KANK4: variants seen among roughly 807,000 people sequenced by gnomAD.
The protein encoded by KANK4 is KN motif and ankyrin repeat domain-containing protein 4.
A neutral mutation model predicts 80.8 loss-of-function variants in KANK4; 50 were observed. That is an observed-to-expected ratio of 0.62 (90% CI 0.49 to 0.78). The LOEUF is 0.78. Among genes scored for constraint, KANK4 ranks in the 30% least tolerant of loss-of-function variants. The pLI is 0.00. For missense variants in KANK4, 1,196 were observed against 1,240.1 expected (o/e 0.96, Z 0.53); for synonymous variants, 465 against 506.9 (o/e 0.92, Z 1.11).
At chr1:62,287,266 C>T (rs1672590379) in intron 1 of KANK4, among the ~76,000 whole-genome samples, 1 of 152,170 alleles carries the variant, frequency 6.6e-6, no homozygotes, top group Admixed American at 6.5e-5. Flanking sequence ...GCCAGGAAAG[C>T]GTCTGGGTTC....
In KANK4 at chr1:62,274,460, C is replaced by T. The variant is rs1287029099; in HGVS notation, c.644G>A (p.Ser215Asn). 1 of 1,614,080 alleles carries T rather than the reference C, an allele frequency of 6.2e-7. No homozygotes were observed. Among genetic ancestry groups the T allele is most frequent in the Admixed American group, 1.7e-5 (1 of 60,010 alleles). The change falls in exon 3 of 10, where the codon AGC becomes AAC. Residue 215 changes from serine (S) to asparagine (N), a missense_variant. Ser to Asn is a conservative substitution (Grantham distance 46, BLOSUM62 1). Transcript: ENST00000371153. Reference protein sequence around the residue: ...EPAEGLAGFHSSSPRASTRIP... With the variant: ...EPAEGLAGFHNSSPRASTRIP... ...CCGAGTTGATGCTCGTGGGCTGGAGCTGTGGAAACCTGCCAATCCTTCTGC... is the reference window on the plus strand; with the variant it reads ...CCGAGTTGATGCTCGTGGGCTGGAGTTGTGGAAACCTGCCAATCCTTCTGC...
chr1:62,279,198 G>GCGCGCGCGCGCGCGCGCGCACA (rs1282615199), intron 2 of KANK4, among the ~76,000 whole-genome samples: 1 of 146,180 alleles, frequency 6.8e-6, no homozygotes, highest in African/African-American at 2.5e-5. Context: ...GCTAGCGCGC[G>GCGCGCGCGCGCGCGCGCGCACA]CACACACACA....
intron 1 of KANK4, among the ~76,000 whole-genome samples, chr1:62,317,842 T>C (rs1447427561): frequency 1.3e-5 from 2 of 152,302 alleles, no homozygotes; most frequent in Non-Finnish European, 2.9e-5. Flanking sequence ...GCCAGTTTTG[T>C]TCACTTCTGT....
chr1:62,248,687 G>T (rs2149119803), intron 8 of KANK4, among the ~76,000 whole-genome samples: 1 of 151,748 alleles, frequency 6.6e-6, no homozygotes, highest in African/African-American at 2.4e-5. Flanking sequence ...TGGGATTACA[G>T]GCAGCTGCCA....
At chr1:62,279,401 T>C (rs1672403531) in intron 2 of KANK4, among the ~76,000 whole-genome samples, 1 of 152,216 alleles carries the variant, frequency 6.6e-6, no homozygotes, top group African/African-American at 2.4e-5. Flanking sequence ...TTCTACCTGG[T>C]GACAGGTATG....
At chr1:62,294,650 G>A (rs1388420020) in intron 1 of KANK4, among the ~76,000 whole-genome samples, 1 of 152,186 alleles carries the variant, frequency 6.6e-6, no homozygotes, top group Non-Finnish European at 1.5e-5. Context: ...GAACCTGGGT[G>A]GAGAAAGCGA....
intron 1 of KANK4, among the ~76,000 whole-genome samples, chr1:62,287,307 G>A (rs929510994): frequency 2.0e-5 from 3 of 152,180 alleles, no homozygotes; most frequent in African/African-American, 7.2e-5. Flanking sequence ...AGGATTAGAG[G>A]GACCTTGTTC....
At position 62,236,631 on chromosome 1, in the gene KANK4, G is replaced by A. The variant is rs1005924636; in HGVS notation, c.*1646C>T. 6.2e-5 allele frequency among the ~76,000 whole-genome samples: 8 copies of A among 129,834 alleles called. No homozygotes were observed. Among genetic ancestry groups the A allele is most frequent in the East Asian group, 4.4e-4 (2 of 4,560 alleles). The allele number at this position is 129,834 out of a possible 152,430, so 85.2% of individuals were successfully genotyped here. A position where few individuals can be genotyped will look rare whatever the true frequency, so the allele number is the denominator to read the frequency against. ...TTTTTTTTGAGACAGAGTTTTGCTC[G>A]TTACCCAGGCTGGAGTGCAATGGCA... is the stretch of plus-strand genomic sequence containing the variant. On this transcript the variant is annotated 3_prime_UTR_variant, in exon 10 of 10. Coordinates refer to ENST00000371153, the MANE Select transcript of KANK4 (RefSeq NM_181712.5).
At chr1:62,275,752 C>A (rs558150326) in intron 2 of KANK4, among the ~76,000 whole-genome samples, 1 of 150,488 alleles carries the variant, frequency 6.6e-6, no homozygotes, top group Non-Finnish European at 1.5e-5. Context: ...TTAACAAACA[C>A]GAAATTCACT....
intron 4 of KANK4, among the ~76,000 whole-genome samples, chr1:62,270,981 T>G (rs1672148362): frequency 6.6e-6 from 1 of 152,218 alleles, no homozygotes; most frequent in South Asian, 2.1e-4. Context: ...TAGAAAATAT[T>G]CTAAATCAAA....
intron 7 of KANK4, among the ~76,000 whole-genome samples, chr1:62,254,504 A>T (rs1174117250): frequency 6.6e-6 from 1 of 151,574 alleles, no homozygotes; most frequent in African/African-American, 2.4e-5. Flanking sequence ...GGCCTCCGAA[A>T]GTGCTGGGAT....
intron 2 of KANK4, among the ~76,000 whole-genome samples, chr1:62,280,680 G>A (rs1672433498): frequency 6.6e-6 from 1 of 152,242 alleles, no homozygotes; most frequent in Admixed American, 6.5e-5. Context: ...CTGGGGACAG[G>A]AAGAGGGGAA....
At chr1:62,240,554 A>G (rs528905832) in intron 9 of KANK4, among the ~76,000 whole-genome samples, 1 of 152,320 alleles carries the variant, frequency 6.6e-6, no homozygotes, top group African/African-American at 2.4e-5. Flanking sequence ...CTGTAACCCC[A>G]GCTACTTGGG....
chr1:62,275,153 G>C, intron 2 of KANK4, 66 bp from the exon 3 acceptor site: 5 of 1,215,188 alleles, frequency 4.1e-6, no homozygotes, highest in Non-Finnish European at 5.8e-6. Context: ...AGGGCGATGA[G>C]GCCTAATATC....
intron 1 of KANK4, among the ~76,000 whole-genome samples, chr1:62,318,455 C>CA (rs1194476590): frequency 6.6e-6 from 1 of 152,246 alleles, no homozygotes; most frequent in Non-Finnish European, 1.5e-5. Context: ...AAGGAGCCCA[C>CA]AGGAGGCATG....
At chr1:62,304,306 A>G (rs970316933) in intron 1 of KANK4, among the ~76,000 whole-genome samples, 27 of 152,194 alleles carry the variant, frequency 1.8e-4, no homozygotes, top group Admixed American at 6.5e-4. Context: ...TTTGTTGGAC[A>G]TGGGAATGGA....
intron 1 of KANK4, among the ~76,000 whole-genome samples, chr1:62,316,533 A>G (rs1571062363): frequency 6.6e-6 from 1 of 152,360 alleles, no homozygotes; most frequent in Middle Eastern, 3.4e-3. Context: ...TTAGGCAGTC[A>G]TCGCACCTCA....
chr1:62,250,489 A>C (rs4322258), intron 8 of KANK4, among the ~76,000 whole-genome samples: 34,668 of 151,942 alleles, frequency 0.23, 4,834 homozygotes, highest in Non-Finnish European at 0.3. Flanking sequence ...CTAGGAATAC[A>C]CTCCCAGTGT....
At chr1:62,305,340 G>A (rs146523763) in intron 1 of KANK4, among the ~76,000 whole-genome samples, 4,621 of 152,014 alleles carry the variant, frequency 0.03, 235 homozygotes, top group African/African-American at 0.1. Context: ...ACAGAGTCTC[G>A]CTTTGTCGCC....
Sources: allele counts gnomAD v4.1 joint callset (sites outside exome capture counted in the v4.1 genomes callset), GRCh38; gene constraint gnomAD v4.1.1; transcripts MANE v1.5; gene names NCBI Gene and HGNC (gene_info 2026-07-23, HGNC 2026-07-21).